SLC41A3: variants seen among roughly 807,000 people sequenced by gnomAD.
The protein encoded by SLC41A3 is solute carrier family 41 member 3, also known as SLC41A1-like 2.
SLC41A3 carries 44 observed loss-of-function variants against 45.4 expected under a neutral mutation model. That is an observed-to-expected ratio of 0.97 (90% CI 0.76 to 1.25). The LOEUF is 1.25. Among genes scored for constraint, SLC41A3 ranks in the 50% most tolerant of loss-of-function variants. The probability of loss-of-function intolerance (pLI) is 0.00; values close to 1 mark genes in which losing one functional copy is unlikely to be tolerated. For synonymous variants in SLC41A3, 256 were observed against 252.4 expected (o/e 1.01, Z -0.13); for missense variants, 550 against 600.6 (o/e 0.92, Z 0.88).
chr3:126,034,037 T>C (rs568327843), intron 3 of SLC41A3, among the ~76,000 whole-genome samples: 1 of 152,276 alleles, frequency 6.6e-6, no homozygotes, highest in Admixed American at 6.5e-5. Flanking sequence ...GCATTCATGT[T>C]ACCAGCAATT....
In SLC41A3 at chr3:126,016,820, C is replaced by T; in HGVS notation, c.801G>A (p.Val267=). 2 of 1,612,622 alleles carry T rather than the reference C, an allele frequency of 1.2e-6. No homozygotes were observed. The highest frequency in any genetic ancestry group is 1.7e-6 in the Non-Finnish European group (2 of 1,179,638). ...GGCTCTGCTTGGCAATGAGGACCCA[C>T]ACTGGGGTCAGAGCCGCAAAGCTGA... is the stretch of plus-strand genomic sequence containing the variant. The part of the protein sequence containing the change: ...VCLSFAALTP[V]WVLIAKQSPP... Residue 267 remains valine (V), a synonymous_variant, in exon 7 of 11, where the codon GTG becomes GTA. Transcript: ENST00000360370.
chr3:126,012,523 A>C (rs1457541543), intron 9 of SLC41A3, 92 bp downstream of exon 9: 10 of 1,539,430 alleles, frequency 6.5e-6, no homozygotes, highest in Non-Finnish European at 8.9e-6. Flanking sequence ...GGCTTCAGGC[A>C]TCCATTGCTA....
At chr3:126,050,009 T>C (rs1031394151) in intron 3 of SLC41A3, among the ~76,000 whole-genome samples, 2 of 152,148 alleles carry the variant, frequency 1.3e-5, no homozygotes, top group African/African-American at 4.8e-5. Context: ...CCTCTGTTCC[T>C]CTCTATAAGG....
At chr3:126,069,930 T>C (rs1944536615) in intron 1 of SLC41A3, among the ~76,000 whole-genome samples, 1 of 151,812 alleles carries the variant, frequency 6.6e-6, no homozygotes, top group Admixed American at 6.6e-5. Context: ...TTATTCAGTA[T>C]GAAGAACGGA....
At chr3:126,089,405 G>A (rs1358220303) in intron 1 of SLC41A3, among the ~76,000 whole-genome samples, 2 of 152,222 alleles carry the variant, frequency 1.3e-5, no homozygotes, top group African/African-American at 2.4e-5. Flanking sequence ...CAAACTTTAT[G>A]TAAGGTAGTT....
intron 1 of SLC41A3, among the ~76,000 whole-genome samples, chr3:126,098,599 C>T (rs575224684): frequency 6.6e-5 from 10 of 152,230 alleles, no homozygotes; most frequent in Non-Finnish European, 1.0e-4. Context: ...AGATGGACCA[C>T]GGGGGAGGTC....
chr3:126,072,631 A>C (rs1944679716), intron 1 of SLC41A3, among the ~76,000 whole-genome samples: 1 of 152,244 alleles, frequency 6.6e-6, no homozygotes, highest in African/African-American at 2.4e-5. Flanking sequence ...GATGCTGGTG[A>C]GGTTGTAGAC....
At chr3:126,079,226 ACACACACACACACC>A (rs1483822178) in intron 1 of SLC41A3, among the ~76,000 whole-genome samples, 4 of 137,230 alleles carry the variant, frequency 2.9e-5, no homozygotes, top group African/African-American at 8.2e-5. Context: ...ACACACACAC[ACACACACACACACC>A]CACACACGAT....
chr3:126,015,476 A>T lies in SLC41A3; in HGVS notation c.970+18T>A. 6.2e-7 allele frequency: 1 copy of T among 1,613,720 alleles called. No individual in the cohort carries two copies. The highest frequency in any genetic ancestry group is 8.5e-7 in the Non-Finnish European group (1 of 1,179,642). Reference sequence around the variant, plus strand: ...CTACCCAACCCAGGGACCACATGGGAACCCTTCAAATACGTACCACATATG... The same window carrying T: ...CTACCCAACCCAGGGACCACATGGGTACCCTTCAAATACGTACCACATATG... On this transcript the variant is annotated intron_variant, in intron 8 of 10. Coordinates refer to ENST00000360370, the MANE Select transcript of SLC41A3 (RefSeq NM_017836.4).
chr3:126,063,949 A>ACACCCCCCCCC (rs1944206566), intron 2 of SLC41A3, among the ~76,000 whole-genome samples: 1 of 101,996 alleles, frequency 9.8e-6, no homozygotes, highest in Non-Finnish European at 2.1e-5. Context: ...GCCAGATCCA[A>ACACCCCCCCCC]CCCCCCCCCG....
chr3:126,049,641 G>T (rs1943194670), intron 3 of SLC41A3, among the ~76,000 whole-genome samples: 1 of 152,198 alleles, frequency 6.6e-6, no homozygotes, highest in Non-Finnish European at 1.5e-5. Flanking sequence ...CATGTGTGTA[G>T]CTGTATCATG....
At chr3:126,075,528 A>G (rs1477074161) in intron 1 of SLC41A3, among the ~76,000 whole-genome samples, 3 of 152,006 alleles carry the variant, frequency 2.0e-5, no homozygotes, top group Non-Finnish European at 4.4e-5. Flanking sequence ...TGCAAATGGA[A>G]ATGCAAGGGA....
chr3:126,009,816 T>C (rs1939512467), intron 9 of SLC41A3, among the ~76,000 whole-genome samples: 1 of 152,256 alleles, frequency 6.6e-6, no homozygotes, highest in Non-Finnish European at 1.5e-5. Context: ...CAAGAAAATC[T>C]ATAGGAAAAC....
intron 1 of SLC41A3, among the ~76,000 whole-genome samples, chr3:126,090,293 C>G (rs1474235901): frequency 6.6e-6 from 1 of 152,076 alleles, no homozygotes; most frequent in Non-Finnish European, 1.5e-5. Context: ...TCAATTTTTG[C>G]TGAATTTTAT....
intron 3 of SLC41A3, among the ~76,000 whole-genome samples, chr3:126,044,089 T>C (rs988473800): frequency 1.3e-5 from 2 of 152,198 alleles, no homozygotes; most frequent in Admixed American, 1.3e-4. Flanking sequence ...CAAAGGTTTA[T>C]TGTGAAAAGA....
intron 6 of SLC41A3, 42 bp downstream of exon 6, chr3:126,022,744 C>A (rs200074444): frequency 1.2e-6 from 2 of 1,610,764 alleles, no homozygotes; most frequent in South Asian, 1.1e-5. Flanking sequence ...AGGGCCCCCC[C>A]TCCACGGAGC....
At chr3:126,067,851 C>T (rs1023311179) in intron 2 of SLC41A3, 96 bp downstream of exon 2, 14 of 1,465,360 alleles carry the variant, frequency 9.6e-6, no homozygotes, top group African/African-American at 5.7e-5. Flanking sequence ...GAGGACTGCC[C>T]GACAACCTTT....
At chr3:126,075,248 T>C (rs996164126) in intron 1 of SLC41A3, among the ~76,000 whole-genome samples, 9 of 152,178 alleles carry the variant, frequency 5.9e-5, no homozygotes, top group Non-Finnish European at 1.0e-4. Context: ...ATCCGGCCAG[T>C]TTTATTTTTA....
intron 1 of SLC41A3, among the ~76,000 whole-genome samples, chr3:126,080,201 A>G (rs1945081485): frequency 6.6e-6 from 1 of 152,232 alleles, no homozygotes; most frequent in African/African-American, 2.4e-5. Context: ...AACCAAAGCA[A>G]AAATAGACAA....
Sources: allele counts gnomAD v4.1 joint callset (sites outside exome capture counted in the v4.1 genomes callset), GRCh38; gene constraint gnomAD v4.1.1; transcripts MANE v1.5; gene names NCBI Gene and HGNC (gene_info 2026-07-23, HGNC 2026-07-21).